The following ENAH variants were observed in gnomAD, a reference collection of about 807,000 sequenced individuals.
ENAH encodes the protein protein enabled homolog.
A neutral mutation model predicts 78.7 loss-of-function variants in ENAH; 23 were observed. The ratio of observed to expected loss-of-function variants is 0.29; its 90% CI spans 0.21 to 0.41. The LOEUF is 0.41. Ranked by LOEUF, ENAH falls within the 10% of genes least tolerant of loss-of-function variation. ENAH has a pLI of 1.00. For synonymous variants in ENAH, 226 were observed against 241.0 expected, an observed-to-expected ratio of 0.94 and a Z score of 0.58; for missense variants, 544 against 691.0, an observed-to-expected ratio of 0.79 and a Z score of 2.39.
chr1:225,508,956 T>A (rs1306094545), intron 10 of ENAH, among the ~76,000 whole-genome samples: 1 of 152,224 alleles, frequency 6.6e-6, no homozygotes, highest in Non-Finnish European at 1.5e-5. Context: ...AAACTCACAC[T>A]CTTCCATGAA....
At chr1:225,537,754 C>T (rs1272155058) in intron 3 of ENAH, among the ~76,000 whole-genome samples, 1 of 148,650 alleles carries the variant, frequency 6.7e-6, no homozygotes, top group African/African-American at 2.5e-5. Context: ...GTCCCTTTAT[C>T]GCTAATGCAG....
chr1:225,590,335 G>A (rs1219723658), intron 1 of ENAH, among the ~76,000 whole-genome samples: 1 of 151,794 alleles, frequency 6.6e-6, no homozygotes, highest in African/African-American at 2.4e-5. Flanking sequence ...AATTACCCGG[G>A]CATGATGGCG....
At chr1:225,625,682 ATTGT>A (rs548807327) in intron 1 of ENAH, among the ~76,000 whole-genome samples, 109 of 152,120 alleles carry the variant, frequency 7.2e-4, no homozygotes, top group Middle Eastern at 3.4e-3. Context: ...TGCCCGGCTA[ATTGT>A]TTGTATTTTT....
chr1:225,517,192 T>C lies in ENAH; in HGVS notation c.913+4A>G. Reference sequence around the variant, plus strand: ...GCTGTTAGTAGCAATAATGAAAGCCTTACCCTGTTGGGATGGAGTCTCGGC... The same window carrying C: ...GCTGTTAGTAGCAATAATGAAAGCCCTACCCTGTTGGGATGGAGTCTCGGC... On this transcript the variant is annotated splice_donor_region_variant and intron_variant, in intron 6 of 13. Transcript: ENST00000366843. The C allele has an allele frequency of 2.6e-6, 4 of 1,522,310 alleles. No homozygotes were observed. Among genetic ancestry groups the C allele is most frequent in the Non-Finnish European group, 3.5e-6 (4 of 1,133,380 alleles). 94.3% of individuals were successfully genotyped at this position (1,522,310 alleles called of 1,614,324 possible).
intron 2 of ENAH, among the ~76,000 whole-genome samples, chr1:225,558,627 C>CTTTTTTTTT (rs71170091): frequency 3.2e-4 from 22 of 69,248 alleles, no homozygotes; most frequent in Non-Finnish European, 4.0e-4. Context: ...TAATTTCTGC[C>CTTTTTTTTT]TTTTTTTTTT....
chr1:225,612,198 GAATA>G (rs767589442), intron 1 of ENAH, among the ~76,000 whole-genome samples: 3 of 152,182 alleles, frequency 2.0e-5, no homozygotes, highest in Non-Finnish European at 2.9e-5. Context: ...ATCAAGAGAT[GAATA>G]AATAATCAAA....
chr1:225,500,064 T>C (rs991898708), intron 12 of ENAH, among the ~76,000 whole-genome samples: 6 of 152,196 alleles, frequency 3.9e-5, no homozygotes, highest in Non-Finnish European at 7.3e-5. Context: ...TTTTGAAGCG[T>C]GTGGAAGTGC....
intron 1 of ENAH, among the ~76,000 whole-genome samples, chr1:225,627,548 T>C (rs1285363395): frequency 6.6e-6 from 1 of 152,232 alleles, no homozygotes; most frequent in African/African-American, 2.4e-5. Flanking sequence ...AGTGCTGTTA[T>C]GAGGCCAGAG....
intron 1 of ENAH, among the ~76,000 whole-genome samples, chr1:225,604,985 A>G (rs913379965): frequency 2.6e-5 from 4 of 152,224 alleles, no homozygotes; most frequent in African/African-American, 9.6e-5. Flanking sequence ...TTGCTGATAA[A>G]AAAGCAAAGG....
chr1:225,513,482 G>GA (rs1270578774), intron 7 of ENAH, among the ~76,000 whole-genome samples: 1 of 152,052 alleles, frequency 6.6e-6, no homozygotes, highest in Admixed American at 6.6e-5. Context: ...CTTGCACTAG[G>GA]AAAAAAACTG....
At chr1:225,554,410 T>C (rs1256124323) in intron 3 of ENAH, among the ~76,000 whole-genome samples, 2 of 152,188 alleles carry the variant, frequency 1.3e-5, no homozygotes, top group Non-Finnish European at 2.9e-5. Context: ...TGATACCACC[T>C]GAGGGCACTC....
chr1:225,639,869 C>T (rs1038236140), intron 1 of ENAH, among the ~76,000 whole-genome samples: 1 of 152,120 alleles, frequency 6.6e-6, no homozygotes, highest in African/African-American at 2.4e-5. Context: ...GTACCCGTGT[C>T]CTCAAAGACA....
chr1:225,570,371 G>A (rs1251725011), intron 1 of ENAH, among the ~76,000 whole-genome samples: 4 of 151,738 alleles, frequency 2.6e-5, no homozygotes, highest in Non-Finnish European at 5.9e-5. Context: ...GAACTGCGCA[G>A]GTCCACTTAT....
At chr1:225,563,501 A>G (rs1001328846) in intron 2 of ENAH, among the ~76,000 whole-genome samples, 3 of 152,190 alleles carry the variant, frequency 2.0e-5, no homozygotes, top group African/African-American at 7.2e-5. Context: ...TATTGATTCA[A>G]ATTTTATCAA....
intron 1 of ENAH, among the ~76,000 whole-genome samples, chr1:225,595,148 C>G (rs2096896260): frequency 6.6e-6 from 1 of 152,174 alleles, no homozygotes; most frequent in Admixed American, 6.5e-5. Context: ...GCCTGACCAA[C>G]ATGGTGAAAC....
chr1:225,589,499 A>T (rs1290661387), intron 1 of ENAH, among the ~76,000 whole-genome samples: 1 of 152,182 alleles, frequency 6.6e-6, no homozygotes, highest in African/African-American at 2.4e-5. Flanking sequence ...AAATCTGCTA[A>T]TACTCAAGTC....
chr1:225,506,911 T>C (rs2151081284), intron 11 of ENAH, among the ~76,000 whole-genome samples: 1 of 152,310 alleles, frequency 6.6e-6, no homozygotes, highest in East Asian at 1.9e-4. Flanking sequence ...TAGAGTCAAG[T>C]TGCTTTTTAC....
At chr1:225,636,651 C>T (rs1415724864) in intron 1 of ENAH, among the ~76,000 whole-genome samples, 2 of 152,124 alleles carry the variant, frequency 1.3e-5, no homozygotes, top group African/African-American at 4.8e-5. Flanking sequence ...TGAGACCAAC[C>T]TGGGCAACAC....
intron 3 of ENAH, among the ~76,000 whole-genome samples, chr1:225,544,821 G>A (rs748349420): frequency 6.6e-6 from 1 of 151,972 alleles, no homozygotes; most frequent in African/African-American, 2.4e-5. Context: ...ATGTAATTCA[G>A]ATATAATTAT....
Sources: gnomAD v4.1 joint callset for allele counts (sites outside exome capture counted in the v4.1 genomes callset) on GRCh38, gnomAD v4.1.1 for gene constraint, MANE v1.5 for transcripts, NCBI Gene and HGNC (gene_info 2026-07-23, HGNC 2026-07-21) for gene names.